NAV2: variants seen among roughly 807,000 people sequenced by gnomAD.
NAV2 encodes the protein neuron navigator 2, also known as helicase, APC down-regulated 1.
NAV2 carries 54 observed loss-of-function variants against 223.2 expected under a neutral mutation model. That is an observed-to-expected ratio of 0.24 (90% CI 0.19 to 0.30). The LOEUF is 0.30. Among genes scored for constraint, NAV2 ranks in the 10% least tolerant of loss-of-function variants. NAV2 has a pLI of 1.00. For synonymous variants in NAV2, 1,279 were observed against 1,239.3 expected (o/e 1.03, Z -0.67); for missense variants, 2,806 against 3,147.5 (o/e 0.89, Z 2.60).
intron 1 of NAV2, among the ~76,000 whole-genome samples, chr11:19,513,518 C>CTAGTGGTG (rs1565002776): frequency 3.3e-5 from 5 of 152,112 alleles, no homozygotes. Context: ...CTAAGGGGAT[C>CTAGTGGTG]TAGTGGTGTA....
At chr11:20,096,169 A>G (rs984730576) in intron 30 of NAV2, among the ~76,000 whole-genome samples, 1 of 152,126 alleles carries the variant, frequency 6.6e-6, no homozygotes, top group Non-Finnish European at 1.5e-5. Flanking sequence ...GGGGGATTTG[A>G]TCTGATTTTC....
Position 20,101,387 on chromosome 11 carries a change from C to T in NAV2, c.6417+215C>T, listed in dbSNP as rs567270814. ...TTTATGATGCTCAGTGCTGGTAGTT[C>T]TTTAATGTTATCCACGATACATCTG... is the stretch of plus-strand genomic sequence containing the variant. On this transcript the variant is annotated intron_variant, in intron 32 of 37. Transcript: ENST00000349880. Among the ~76,000 whole-genome samples the T allele has an allele frequency of 3.3e-4, 50 of 152,266 alleles. 1 individual carries two copies. The highest frequency in any genetic ancestry group is 5.2e-4 in the Admixed American group (8 of 15,294).
intron 2 of NAV2, among the ~76,000 whole-genome samples, chr11:19,842,582 C>T (rs1240609727): frequency 1.3e-5 from 2 of 152,166 alleles, no homozygotes; most frequent in Non-Finnish European, 2.9e-5. Flanking sequence ...AGCTCACTCT[C>T]TTTCCCAGTC....
intron 11 of NAV2, among the ~76,000 whole-genome samples, chr11:20,006,711 G>T (rs955852088): frequency 1.1e-4 from 17 of 149,330 alleles, no homozygotes; most frequent in African/African-American, 3.6e-4. Context: ...AATTAGCCAG[G>T]CATAGTGGCA....
intron 1 of NAV2, among the ~76,000 whole-genome samples, chr11:19,801,558 A>C (rs1236100973): frequency 6.6e-6 from 1 of 152,140 alleles, no homozygotes. Context: ...CCTCCACCTG[A>C]AAGTGGAAGT....
chr11:19,770,218 C>T (rs1271398307), intron 1 of NAV2, among the ~76,000 whole-genome samples: 1 of 151,798 alleles, frequency 6.6e-6, no homozygotes, highest in Non-Finnish European at 1.5e-5. Flanking sequence ...TATTTCTGTG[C>T]CCACAGTTCT....
intron 1 of NAV2, among the ~76,000 whole-genome samples, chr11:19,383,913 T>G (rs1233214198): frequency 6.6e-6 from 1 of 152,248 alleles, no homozygotes; most frequent in Non-Finnish European, 1.5e-5. Flanking sequence ...TAATCTTGGA[T>G]GCTCAAAGAT....
At chr11:19,657,127 G>C (rs569293076) in intron 1 of NAV2, among the ~76,000 whole-genome samples, 1 of 152,210 alleles carries the variant, frequency 6.6e-6, no homozygotes, top group South Asian at 2.1e-4. Flanking sequence ...TTTGAGGCTG[G>C]GGGTGTATTA....
chr11:19,934,357 A>G, intron 7 of NAV2, 80 bp downstream of exon 7: 1 of 1,455,312 alleles, frequency 6.9e-7, no homozygotes, highest in Non-Finnish European at 9.1e-7. Context: ...CTGTAAGGGC[A>G]GAAGCTAGAC....
chr11:20,000,589 G>A (rs150982442), intron 11 of NAV2, among the ~76,000 whole-genome samples: 2,520 of 152,218 alleles, frequency 0.017, 65 homozygotes, highest in African/African-American at 0.054. Flanking sequence ...AGAGGGCTGC[G>A]TTCTTAATGA....
chr11:20,106,387 T>C (rs900995239), intron 35 of NAV2, among the ~76,000 whole-genome samples: 1 of 147,138 alleles, frequency 6.8e-6, no homozygotes, highest in Admixed American at 6.8e-5. Context: ...GGTGAAACCC[T>C]GTCTCTACTA....
chr11:19,985,331 A>G (rs1170953571), intron 11 of NAV2, among the ~76,000 whole-genome samples: 1 of 152,152 alleles, frequency 6.6e-6, no homozygotes, highest in Non-Finnish European at 1.5e-5. Flanking sequence ...GAAACACTGA[A>G]TGAGTTGTTA....
At chr11:19,765,940 T>G (rs768516996) in intron 1 of NAV2, among the ~76,000 whole-genome samples, 16 of 152,152 alleles carry the variant, frequency 1.1e-4, no homozygotes, top group Non-Finnish European at 2.2e-4. Flanking sequence ...CTTCACTTGC[T>G]TGTTTGTCAC....
intron 3 of NAV2, among the ~76,000 whole-genome samples, chr11:19,860,388 G>A (rs1000559521): frequency 3.5e-4 from 50 of 140,902 alleles, no homozygotes; most frequent in African/African-American, 1.3e-3. Context: ...CTCACATCCC[G>A]GACGGGGCGA....
At chr11:19,859,751 C>T (rs1268561427) in intron 3 of NAV2, among the ~76,000 whole-genome samples, 2 of 150,588 alleles carry the variant, frequency 1.3e-5, no homozygotes, top group Admixed American at 6.6e-5. Flanking sequence ...CCGGACCGGG[C>T]GGCTGGCCGG....
At chr11:19,699,609 G>A (rs1192045908) in intron 1 of NAV2, among the ~76,000 whole-genome samples, 5 of 152,206 alleles carry the variant, frequency 3.3e-5, no homozygotes, top group Admixed American at 2.6e-4. Flanking sequence ...ATGAGGGGTA[G>A]GGATCTGCTT....
chr11:20,103,842 T>C, intron 34 of NAV2, 118 bp downstream of exon 34: 2 of 904,546 alleles, frequency 2.2e-6, no homozygotes, highest in Non-Finnish European at 3.6e-6. Flanking sequence ...TTGTTAAGCA[T>C]TTTTCTCAGC....
intron 5 of NAV2, among the ~76,000 whole-genome samples, chr11:19,882,806 A>C (rs2063299746): frequency 6.6e-6 from 1 of 152,228 alleles, no homozygotes; most frequent in Non-Finnish European, 1.5e-5. Context: ...CAGTGGTGAC[A>C]TAGACCGGGC....
chr11:19,811,553 A>G (rs1254823417), intron 1 of NAV2, among the ~76,000 whole-genome samples: 1 of 152,248 alleles, frequency 6.6e-6, no homozygotes, highest in Non-Finnish European at 1.5e-5. Flanking sequence ...GAGTTTCAAA[A>G]TCAGGAAGCA....
Sources: gnomAD v4.1 joint callset for allele counts (sites outside exome capture counted in the v4.1 genomes callset) on GRCh38, gnomAD v4.1.1 for gene constraint, MANE v1.5 for transcripts, NCBI Gene and HGNC (gene_info 2026-07-23, HGNC 2026-07-21) for gene names.